Variants in SFXN5 observed in about 807,000 individuals in gnomAD.
SFXN5 encodes sideroflexin-5.
A neutral mutation model predicts 50.2 loss-of-function variants in SFXN5; 43 were observed. The ratio of observed to expected loss-of-function variants is 0.86; its 90% CI spans 0.67 to 1.11. The LOEUF (loss-of-function observed/expected upper bound fraction) is 1.11. Ranked by LOEUF, SFXN5 falls within the 50% of genes least tolerant of loss-of-function variation. SFXN5 has a pLI of 0.00. For missense variants in SFXN5, 463 were observed against 454.1 expected (o/e 1.02, Z -0.18); for synonymous variants, 203 against 185.8 (o/e 1.09, Z -0.75).
intron 2 of SFXN5, among the ~76,000 whole-genome samples, chr2:73,057,159 GAT>G (rs1176217729): frequency 2.6e-5 from 4 of 151,806 alleles, no homozygotes; most frequent in African/African-American, 9.7e-5. Flanking sequence ...TTTTTTAAAA[GAT>G]AGGGTCTCAC....
At chr2:72,964,876 GC>G (rs1674184434) in intron 12 of SFXN5, among the ~76,000 whole-genome samples, 1 of 152,234 alleles carries the variant, frequency 6.6e-6, no homozygotes, top group South Asian at 2.1e-4. Flanking sequence ...CAGGTCCCAG[GC>G]TGGACGGGTT....
intron 10 of SFXN5, among the ~76,000 whole-genome samples, chr2:72,981,965 T>TTG (rs10582006): frequency 0.063 from 9,136 of 145,600 alleles, 316 homozygotes; most frequent in East Asian, 0.13. Flanking sequence ...CACTGGAACT[T>TTG]TGTGTGTGTG....
rs959504200 is a variant in SFXN5 at position 72,973,015 on chromosome 2, G to A, written c.626-1330C>T. ...AGATGCTCCTGGGGCCTGAGCCAACGAGTGGTCCAGGGTGCTCACAGCTGG... is the reference window on the plus strand; with the variant it reads ...AGATGCTCCTGGGGCCTGAGCCAACAAGTGGTCCAGGGTGCTCACAGCTGG... On this transcript the variant is annotated intron_variant, in intron 10 of 13. Transcript: ENST00000272433. The surrounding 1 kb of genome is among the most constrained non-coding windows in gnomAD (Gnocchi z 5.5). 2.0e-5 allele frequency among the ~76,000 whole-genome samples: 3 copies of A among 152,066 alleles called. No homozygotes were observed. Among genetic ancestry groups the A allele is most frequent in the African/African-American group, 4.8e-5 (2 of 41,404 alleles).
intron 1 of SFXN5, among the ~76,000 whole-genome samples, chr2:73,067,010 C>T (rs1437617741): frequency 6.6e-6 from 1 of 152,042 alleles, no homozygotes; most frequent in East Asian, 1.9e-4. Flanking sequence ...TACTGTTCCA[C>T]TGTACTCTAT....
In SFXN5 at chr2:73,002,212, T is replaced by G. The variant is rs531760180; in HGVS notation, c.358-634A>C. 1.1e-4 allele frequency among the ~76,000 whole-genome samples: 17 copies of G among 152,364 alleles called. No individual in the cohort carries two copies. In the South Asian group the frequency reaches 1.7e-3, roughly 15 times the overall value. The stretch of plus-strand genomic sequence containing the variant: ...GAATGAAACATAGATTTCTAATATT[T>G]GTTGAATGAGTGAAGAAAGGAATGA... On this transcript the variant is annotated intron_variant, in intron 6 of 13. Coordinates refer to ENST00000272433, the MANE Select transcript of SFXN5 (RefSeq NM_144579.3).
At chr2:72,965,589 G>A (rs1465381197) in intron 12 of SFXN5, among the ~76,000 whole-genome samples, 1 of 152,118 alleles carries the variant, frequency 6.6e-6, no homozygotes, top group Non-Finnish European at 1.5e-5. Flanking sequence ...CACTGCCGTG[G>A]GGTCGGAGCC....
chr2:73,065,267 G>C (rs1482851478), intron 1 of SFXN5, among the ~76,000 whole-genome samples: 2 of 151,954 alleles, frequency 1.3e-5, no homozygotes, highest in Middle Eastern at 3.2e-3. Flanking sequence ...CGCCGAGCTA[G>C]TTTTTCAATT....
At chr2:73,051,871 T>C (rs1681377112) in intron 2 of SFXN5, among the ~76,000 whole-genome samples, 1 of 152,096 alleles carries the variant, frequency 6.6e-6, no homozygotes. Context: ...CAAGAGACCC[T>C]AGCAGCTGTG....
chr2:73,040,882 G>A lies in SFXN5; in HGVS notation c.221C>T (p.Thr74Ile). 6.2e-7 allele frequency: 1 copy of A among 1,612,922 alleles called. No individual in the cohort carries two copies. Among genetic ancestry groups the A allele is most frequent in the African/African-American group, 1.3e-5 (1 of 75,010 alleles). The change falls in exon 3 of 14, where the codon ACC becomes ATC. Residue 74 changes from threonine to isoleucine, a missense_variant. Physicochemically the swap from Thr to Ile is moderately conservative, Grantham distance 89. Transcript: ENST00000272433. ...TTCATTGGTGACCCCCGGGCGCAGG[G>A]TCCCATGCTTATAGTCCTCCAGCAG... ...VQLLEDYKHGTLRPGVTNEQL... is the reference protein window; with the variant it reads ...VQLLEDYKHGILRPGVTNEQL...
chr2:73,004,032 G>T (rs1466549912), intron 6 of SFXN5, among the ~76,000 whole-genome samples: 2 of 152,150 alleles, frequency 1.3e-5, no homozygotes, highest in Non-Finnish European at 2.9e-5. Flanking sequence ...GATCAAAGCA[G>T]AGATTACTTT....
Position 72,961,242 on chromosome 2 carries a change from A to T in SFXN5, c.834T>A (p.Ala278=), listed in dbSNP as rs1224039253. The change falls in exon 13 of 14, where the codon GCT becomes GCA. Residue 278 remains alanine, a synonymous_variant. Coordinates refer to ENST00000272433, the MANE Select transcript of SFXN5 (RefSeq NM_144579.3). The surrounding 1 kb of genome is among the most constrained non-coding windows in gnomAD (Gnocchi z 4.4). The part of the protein sequence containing the change: ...PIVMSMLEKT[A]LLQARPRLLL... ...GCAGCCGGGGGCGTGCCTGCAGGAG[A>T]GCCGTCCTGTGAGGGAGAGAGGAGG... The T allele has an allele frequency of 6.5e-7, 1 of 1,529,674 alleles. No homozygotes were observed. The highest frequency in any genetic ancestry group is 2.6e-5 in the East Asian group (1 of 39,100). The allele number at this position is 1,529,674 out of a possible 1,614,324, so 94.8% of individuals were successfully genotyped here.
chr2:72,985,111 A>G (rs1447171219), intron 10 of SFXN5, among the ~76,000 whole-genome samples: 1 of 152,070 alleles, frequency 6.6e-6, no homozygotes. Flanking sequence ...GAGCTTAAAT[A>G]TGATCACTGC....
rs75017924 is a variant in SFXN5 at position 72,960,115 on chromosome 2, C to T, written c.945+1016G>A. ...GCCAGGGTGGAGGCCTCACCCACCA[C>T]CCTCGATTCCAGCACTGTTGTCATG... is the stretch of plus-strand genomic sequence containing the variant. On this transcript the variant is annotated intron_variant, in intron 13 of 13. Coordinates refer to ENST00000272433, the MANE Select transcript of SFXN5 (RefSeq NM_144579.3). This position sits in a 1 kb window ranked among gnomAD's most constrained non-coding sequence, Gnocchi z 6.1. 4.7e-4 allele frequency among the ~76,000 whole-genome samples: 71 copies of T among 152,156 alleles called. No homozygotes were observed. The East Asian group carries it at 0.011, about 24-fold the overall frequency.
intron 2 of SFXN5, among the ~76,000 whole-genome samples, chr2:73,047,327 A>ATG (rs1474197043): frequency 7.7e-6 from 1 of 130,234 alleles, no homozygotes; most frequent in East Asian, 2.2e-4. Context: ...ATGTATATAT[A>ATG]TGTGTATATA....
At chr2:73,055,598 C>CTTT (rs570909541) in intron 2 of SFXN5, among the ~76,000 whole-genome samples, 2 of 133,928 alleles carry the variant, frequency 1.5e-5, no homozygotes, top group Admixed American at 7.6e-5. Flanking sequence ...TTTTCTTTTT[C>CTTT]TTTTTTTTTT....
In SFXN5 at chr2:73,050,445, G is replaced by C. The variant is rs569155270; in HGVS notation, c.171+8083C>G. Among the ~76,000 whole-genome samples, 3 of 136,052 alleles carry C rather than the reference G, an allele frequency of 2.2e-5. No homozygotes were observed. The East Asian group carries it at 8.5e-4, about 38-fold the overall frequency. The allele number at this position is 136,052 out of a possible 152,430, so 89.3% of individuals were successfully genotyped here. A position where few individuals can be genotyped will look rare whatever the true frequency, so the allele number is the denominator to read the frequency against. On this transcript the variant is annotated intron_variant, in intron 2 of 13. Coordinates refer to ENST00000272433, the MANE Select transcript of SFXN5 (RefSeq NM_144579.3). ...ACCCCTGCAGAGTTAGCACCACATG[G>C]ATGCTGCCAAGGCTTACGCTTGTGC...
At chr2:72,962,936 C>T (rs542681446) in intron 12 of SFXN5, among the ~76,000 whole-genome samples, 116 of 152,290 alleles carry the variant, frequency 7.6e-4, no homozygotes, top group Middle Eastern at 6.8e-3. Context: ...TCTGATCCTC[C>T]AATCCCCATC....
intron 3 of SFXN5, among the ~76,000 whole-genome samples, chr2:73,027,044 A>G (rs1356017983): frequency 6.6e-6 from 1 of 151,644 alleles, no homozygotes; most frequent in East Asian, 1.9e-4. Flanking sequence ...ATTATTTTAG[A>G]GTGTATACCT....
intron 9 of SFXN5, chr2:72,997,309 G>C (rs2105658423): frequency 6.6e-6 from 1 of 152,336 alleles, no homozygotes; most frequent in South Asian, 2.1e-4. Context: ...GGTACAATGG[G>C]TAATTATACA....
Sources: allele counts gnomAD v4.1 joint callset (sites outside exome capture counted in the v4.1 genomes callset), GRCh38; gene constraint gnomAD v4.1.1; non-coding constraint Gnocchi (gnomAD v3.1); transcripts MANE v1.5; gene names NCBI Gene and HGNC (gene_info 2026-07-23, HGNC 2026-07-21).